The following ARAP2 variants were observed in gnomAD, a reference collection of about 807,000 sequenced individuals.
The protein encoded by ARAP2 is arf-GAP with Rho-GAP domain, ANK repeat and PH domain-containing protein 2.
In ARAP2, 148 loss-of-function variants were observed where a neutral mutation model predicts 194.5. That is an observed-to-expected ratio of 0.76 (90% CI 0.67 to 0.87). The LOEUF (loss-of-function observed/expected upper bound fraction) is 0.87, where lower values mean the gene tolerates loss of function less well. Ranked by LOEUF, ARAP2 falls within the 40% of genes least tolerant of loss-of-function variation. The pLI is 0.00. For missense variants in ARAP2, 2,128 were observed against 1,989.7 expected (o/e 1.07, Z -1.32); for synonymous variants, 695 against 683.5 (o/e 1.02, Z -0.26).
At chr4:36,158,103 C>G (rs1158287838) in intron 15 of ARAP2, among the ~76,000 whole-genome samples, 1 of 152,080 alleles carries the variant, frequency 6.6e-6, no homozygotes, top group African/African-American at 2.4e-5. Context: ...AGGACTGTGT[C>G]TTAGTCATTT....
intron 1 of ARAP2, among the ~76,000 whole-genome samples, chr4:36,241,396 C>T (rs1420516819): frequency 6.6e-6 from 1 of 152,078 alleles, no homozygotes; most frequent in African/African-American, 2.4e-5. Flanking sequence ...CTTACTGGAC[C>T]ATTTTTTAAC....
At chr4:36,080,375 G>A in intron 30 of ARAP2, 96 bp from the exon 31 acceptor site, 1 of 973,872 alleles carries the variant, frequency 1.0e-6, no homozygotes. Flanking sequence ...AAATCTCTGG[G>A]TCTCTCCTGA....
chr4:36,012,641 G>A (rs1714770303), exon 9 of ARAP2: 1 of 152,116 alleles, frequency 6.6e-6, no homozygotes, highest in Non-Finnish European at 1.5e-5. Flanking sequence ...TCCTTTAAAG[G>A]GCGGTGTAGC....
At chr4:36,179,793 T>C (rs370514450) in intron 8 of ARAP2, among the ~76,000 whole-genome samples, 24 of 152,250 alleles carry the variant, frequency 1.6e-4, no homozygotes, top group Admixed American at 2.0e-4. Flanking sequence ...CGTATTACAC[T>C]TACTCATATT....
intron 24 of ARAP2, 123 bp from the exon 25 acceptor site, chr4:36,117,258 T>C (rs1721589535): frequency 1.6e-6 from 1 of 622,914 alleles, no homozygotes; most frequent in Non-Finnish European, 2.6e-6. Context: ...TGAAACAAGC[T>C]CAATTCCCCT....
Position 36,159,385 on chromosome 4 carries a change from T to C in ARAP2, c.2563A>G (p.Lys855Glu). The C allele has an allele frequency of 6.2e-7, 1 of 1,610,486 alleles. No homozygotes were observed. The highest frequency in any genetic ancestry group is 8.5e-7 in the Non-Finnish European group (1 of 1,177,728). Residue 855 changes from lysine to glutamate, a missense_variant, in exon 14 of 33, where the codon AAG becomes GAG. Lys to Glu is a moderately conservative substitution (Grantham distance 56). Coordinates refer to ENST00000303965, the MANE Select transcript of ARAP2 (RefSeq NM_015230.4). ...PVHSTPYLLA[K>E]KAGQSLQMEF... ...ATTTGCAGACTTTGCCCAGCTTTCT[T>C]GGCTAGCAGATAGGGGGTGCTATGC...
chr4:36,162,473 G>T (rs1269158599), intron 11 of ARAP2, among the ~76,000 whole-genome samples: 1 of 152,036 alleles, frequency 6.6e-6, no homozygotes, highest in Non-Finnish European at 1.5e-5. Context: ...GAGCAACCAG[G>T]CTATGTCAGA....
intron 22 of ARAP2, among the ~76,000 whole-genome samples, chr4:36,122,055 A>G (rs538353267): frequency 5.3e-4 from 81 of 151,684 alleles, no homozygotes; most frequent in Non-Finnish European, 1.0e-3. Flanking sequence ...TAAACCCACA[A>G]TGAGATATCA....
chr4:36,046,974 A>G (rs1721932689), intron 3 of ARAP2: 1 of 152,246 alleles, frequency 6.6e-6, no homozygotes, highest in Non-Finnish European at 1.5e-5. Context: ...ATGGTCAAGA[A>G]GCATATATTC....
chr4:36,233,732 G>A (rs558805487), intron 1 of ARAP2, among the ~76,000 whole-genome samples: 6 of 152,290 alleles, frequency 3.9e-5, no homozygotes, highest in Middle Eastern at 3.4e-3. Flanking sequence ...TAAGTGACTC[G>A]CACATAGTGC....
chr4:36,157,711 T>C (rs1490505112), intron 15 of ARAP2, among the ~76,000 whole-genome samples: 1 of 152,190 alleles, frequency 6.6e-6, no homozygotes, highest in Non-Finnish European at 1.5e-5. Flanking sequence ...ACATAGTACA[T>C]ACTCACTCAC....
Position 36,167,209 on chromosome 4 carries a change from T to C in ARAP2, c.1858-162A>G, listed in dbSNP as rs562167166. Among the ~76,000 whole-genome samples, 25 of 152,280 alleles carry C rather than the reference T, an allele frequency of 1.6e-4. No individual in the cohort carries two copies. In the East Asian group the frequency reaches 4.6e-3, roughly 28 times the overall value. The stretch of plus-strand genomic sequence containing the variant: ...AATACATAATAGCACTGGGCCAACT[T>C]AAGCTTGACAGTTGGACTATTGATA... On this transcript the variant is annotated intron_variant, in intron 9 of 32. Transcript: ENST00000303965.
rs778940855 is a variant in ARAP2, at chr4:36,229,039, T to C, written c.448A>G (p.Lys150Glu). ...PQSDDKLSPPKRDFPTAEEPH... is the reference protein window; with the variant it reads ...PQSDDKLSPPERDFPTAEEPH... ...TCCTCTGCAGTGGGGAAGTCGCGTT[T>C]AGGAGGAGACAGCTTATCATCTGAT... The change falls in exon 2 of 33, where the codon AAA becomes GAA. Residue 150 changes from lysine (K) to glutamate (E), a missense_variant. By Grantham distance (56) the Lys-to-Glu change is moderately conservative (BLOSUM62 1). Transcript: ENST00000303965. The C allele has an allele frequency of 6.2e-7, 1 of 1,614,128 alleles. No homozygotes were observed. Among genetic ancestry groups the C allele is most frequent in the South Asian group, 1.1e-5 (1 of 91,072 alleles).
intron 2 of ARAP2, among the ~76,000 whole-genome samples, chr4:36,053,239 C>T (rs1045777607): frequency 2.0e-5 from 3 of 151,938 alleles, no homozygotes; most frequent in South Asian, 2.1e-4. Flanking sequence ...CTTTTGACTT[C>T]GTGATCCACC....
intron 3 of ARAP2, among the ~76,000 whole-genome samples, chr4:36,049,926 T>C (rs923167117): frequency 6.6e-6 from 1 of 152,192 alleles, no homozygotes; most frequent in African/African-American, 2.4e-5. Flanking sequence ...AAAATAATCT[T>C]AATGGAGAGA....
At chr4:36,236,636 T>C (rs1305515637) in intron 1 of ARAP2, among the ~76,000 whole-genome samples, 1 of 152,156 alleles carries the variant, frequency 6.6e-6, no homozygotes, top group African/African-American at 2.4e-5. Context: ...ATCATGAAAC[T>C]TTTCAACATT....
At chr4:36,167,172 G>T (rs879247968) in intron 9 of ARAP2, 125 bp from the exon 10 acceptor site, 65 of 610,156 alleles carry the variant, frequency 1.1e-4, no homozygotes. Context: ...CTCACTTTAG[G>T]TAGCCACTCT....
At chr4:36,051,078 T>C (rs1168889369) in intron 3 of ARAP2, among the ~76,000 whole-genome samples, 1 of 152,240 alleles carries the variant, frequency 6.6e-6, no homozygotes, top group Non-Finnish European at 1.5e-5. Flanking sequence ...ATTAATATTA[T>C]AAGACATAAA....
Position 36,148,481 on chromosome 4 carries a change from A to T in ARAP2, c.2924T>A (p.Leu975Ter). 6.2e-7 allele frequency: 1 copy of T among 1,613,134 alleles called. No individual in the cohort carries two copies. The highest frequency in any genetic ancestry group is 8.5e-7 in the Non-Finnish European group (1 of 1,179,372). The change falls in exon 17 of 33, where the codon TTA becomes TAA. Residue 975 changes from leucine (L) to a stop codon, truncating the protein, a stop_gained. Coordinates refer to ENST00000303965, the MANE Select transcript of ARAP2 (RefSeq NM_015230.4). LOFTEE classifies it high-confidence loss of function. ...TGPIFIFEIY[L>*]PSERVFLFGA... Reference sequence around the variant, plus strand: ...AAATAAAAACACACGTTCGGAGGGTAAGTAGATCTCAAAGATAAAGATGGG... The same window carrying T: ...AAATAAAAACACACGTTCGGAGGGTTAGTAGATCTCAAAGATAAAGATGGG...
Sources: gnomAD v4.1 joint callset for allele counts (sites outside exome capture counted in the v4.1 genomes callset) on GRCh38, gnomAD v4.1.1 for gene constraint, MANE v1.5 for transcripts, NCBI Gene and HGNC (gene_info 2026-07-23, HGNC 2026-07-21) for gene names.